Variants in HS3ST4 observed in about 807,000 individuals in gnomAD.
HS3ST4 encodes heparan sulfate glucosamine 3-O-sulfotransferase 4.
In HS3ST4, 17 loss-of-function variants were observed where a neutral mutation model predicts 29.2. That is an observed-to-expected ratio of 0.58 (90% confidence interval 0.40 to 0.87). The LOEUF (loss-of-function observed/expected upper bound fraction) is 0.87. Among genes scored for constraint, HS3ST4 ranks in the 40% least tolerant of loss-of-function variants. The pLI is 0.00. For synonymous variants in HS3ST4, 314 were observed against 285.7 expected (o/e 1.10, Z -1.00); for missense variants, 627 against 634.5 (o/e 0.99, Z 0.13).
At chr16:25,715,818 TA>T (rs1966450355) in intron 1 of HS3ST4, among the ~76,000 whole-genome samples, 1 of 152,186 alleles carries the variant, frequency 6.6e-6, no homozygotes, top group Non-Finnish European at 1.5e-5. Flanking sequence ...ATTTGCCCTA[TA>T]GGGGGATTCT....
chr16:25,937,781 C>T (rs1404792303), intron 1 of HS3ST4, among the ~76,000 whole-genome samples: 1 of 152,164 alleles, frequency 6.6e-6, no homozygotes, highest in Non-Finnish European at 1.5e-5. Flanking sequence ...TTTTTGTACT[C>T]ATTTACCCCT....
intron 1 of HS3ST4, among the ~76,000 whole-genome samples, chr16:25,855,402 C>G (rs1369556997): frequency 6.6e-6 from 1 of 152,184 alleles, no homozygotes; most frequent in Non-Finnish European, 1.5e-5. Flanking sequence ...AGATTCTCTA[C>G]AAATGCAAAT....
At chr16:26,113,775 C>T (rs1482387671) in intron 1 of HS3ST4, among the ~76,000 whole-genome samples, 2 of 152,088 alleles carry the variant, frequency 1.3e-5, no homozygotes, top group African/African-American at 2.4e-5. Flanking sequence ...CTGACCCACA[C>T]CCCATCCATA....
intron 1 of HS3ST4, among the ~76,000 whole-genome samples, chr16:26,066,640 C>T (rs973865125): frequency 6.6e-6 from 1 of 152,144 alleles, no homozygotes; most frequent in Non-Finnish European, 1.5e-5. Context: ...TGAGACTCAC[C>T]ACCAGCAGCT....
In HS3ST4 at chr16:25,692,916, A is replaced by G. The variant is rs911946721; in HGVS notation, c.499A>G (p.Thr167Ala). The change falls in exon 1 of 2, where the codon ACC becomes GCC. Residue 167 changes from threonine (T) to alanine (A), a missense_variant. Thr to Ala is a moderately conservative substitution (Grantham distance 58). Coordinates refer to ENST00000331351, the MANE Select transcript of HS3ST4 (RefSeq NM_006040.3). ...PEREAQESST[T>A]DEDLAGRRAA... Reference sequence around the variant, plus strand: ...GAGGGAAGCGCAGGAGTCCAGCACCACCGACGAGGATCTCGCAGGCCGGAG... The same window carrying G: ...GAGGGAAGCGCAGGAGTCCAGCACCGCCGACGAGGATCTCGCAGGCCGGAG... 1.2e-6 allele frequency: 2 copies of G among 1,600,768 alleles called. No individual in the cohort carries two copies. The highest frequency in any genetic ancestry group is 1.7e-6 in the Non-Finnish European group (2 of 1,174,720).
At chr16:26,096,699 C>T (rs1441250175) in intron 1 of HS3ST4, among the ~76,000 whole-genome samples, 1 of 152,164 alleles carries the variant, frequency 6.6e-6, no homozygotes, top group Non-Finnish European at 1.5e-5. Flanking sequence ...ACAAGGATGC[C>T]CTCTCTCACC....
intron 1 of HS3ST4, among the ~76,000 whole-genome samples, chr16:25,876,356 G>A (rs1967833300): frequency 6.6e-6 from 1 of 152,112 alleles, no homozygotes; most frequent in Non-Finnish European, 1.5e-5. Context: ...AGGTATGGCT[G>A]GATTCAGGGC....
chr16:25,882,233 C>T (rs2141664541), intron 1 of HS3ST4, among the ~76,000 whole-genome samples: 3 of 152,316 alleles, frequency 2.0e-5, no homozygotes, highest in East Asian at 3.9e-4. Flanking sequence ...AAGCCTCCTC[C>T]AGCCCTTCTT....
chr16:25,942,021 C>T (rs1213954125), intron 1 of HS3ST4, among the ~76,000 whole-genome samples: 1 of 152,196 alleles, frequency 6.6e-6, no homozygotes, highest in Non-Finnish European at 1.5e-5. Flanking sequence ...AAAGGAACAA[C>T]AGCTTGGACC....
intron 1 of HS3ST4, among the ~76,000 whole-genome samples, chr16:25,962,266 C>T (rs1968802313): frequency 2.0e-5 from 3 of 152,022 alleles, no homozygotes; most frequent in Admixed American, 2.0e-4. Flanking sequence ...GGAACTGATA[C>T]ATCAGGAAAT....
chr16:25,701,901 C>T (rs528958388), intron 1 of HS3ST4, among the ~76,000 whole-genome samples: 1 of 152,276 alleles, frequency 6.6e-6, no homozygotes, highest in East Asian at 1.9e-4. Flanking sequence ...ATTGTTAATA[C>T]AGGCAAATGA....
intron 1 of HS3ST4, among the ~76,000 whole-genome samples, chr16:26,070,172 A>G (rs1898585876): frequency 1.3e-5 from 2 of 152,208 alleles, no homozygotes; most frequent in Non-Finnish European, 2.9e-5. Context: ...CAGTCCCACC[A>G]ACAGTGTAAA....
At chr16:25,999,632 A>T (rs1426628510) in intron 1 of HS3ST4, among the ~76,000 whole-genome samples, 1 of 150,196 alleles carries the variant, frequency 6.7e-6, no homozygotes, top group Non-Finnish European at 1.5e-5. Context: ...TATGTAATTT[A>T]AAATCCATAA....
intron 1 of HS3ST4, among the ~76,000 whole-genome samples, chr16:25,738,565 G>A (rs924386004): frequency 6.6e-6 from 1 of 152,164 alleles, no homozygotes; most frequent in African/African-American, 2.4e-5. Context: ...GTCAGGAGTT[G>A]CTGAATGTCC....
chr16:26,054,931 A>T (rs944013807), intron 1 of HS3ST4, among the ~76,000 whole-genome samples: 3 of 152,030 alleles, frequency 2.0e-5, no homozygotes, highest in Non-Finnish European at 2.9e-5. Context: ...ACTCCTTGCT[A>T]CCTCTTTACT....
At chr16:25,882,710 G>A (rs1303886862) in intron 1 of HS3ST4, among the ~76,000 whole-genome samples, 4 of 152,116 alleles carry the variant, frequency 2.6e-5, no homozygotes, top group Non-Finnish European at 2.9e-5. Context: ...GGGCTTTTCC[G>A]CATGGGCAAT....
chr16:25,813,194 T>A (rs1024345228), intron 1 of HS3ST4, among the ~76,000 whole-genome samples: 12 of 152,224 alleles, frequency 7.9e-5, no homozygotes, highest in African/African-American at 2.2e-4. Context: ...GAAAAGATGT[T>A]CAATATCATT....
At chr16:25,724,415 G>A (rs1210194537) in intron 1 of HS3ST4, among the ~76,000 whole-genome samples, 1 of 149,164 alleles carries the variant, frequency 6.7e-6, no homozygotes, top group Non-Finnish European at 1.5e-5. Context: ...CCAAGCTGGA[G>A]TGTGATGGTA....
intron 1 of HS3ST4, among the ~76,000 whole-genome samples, chr16:25,789,035 G>T (rs1404272844): frequency 6.6e-6 from 1 of 152,138 alleles, no homozygotes; most frequent in Non-Finnish European, 1.5e-5. Flanking sequence ...TCAATCCATG[G>T]TGGGGCCAGG....
Sources: gnomAD v4.1 joint callset for allele counts (sites outside exome capture counted in the v4.1 genomes callset) on GRCh38, gnomAD v4.1.1 for gene constraint, MANE v1.5 for transcripts, NCBI Gene and HGNC (gene_info 2026-07-23, HGNC 2026-07-21) for gene names.